The following GHR variants were observed in gnomAD, a reference collection of about 807,000 sequenced individuals.
The protein encoded by GHR is growth hormone receptor, also known as GH receptor.
In GHR, 35 loss-of-function variants were observed where a neutral mutation model predicts 67.1. The ratio of observed to expected loss-of-function variants is 0.52; its 90% CI spans 0.40 to 0.69. The LOEUF (loss-of-function observed/expected upper bound fraction) is 0.69, where lower values mean the gene tolerates loss of function less well. Among genes scored for constraint, GHR ranks in the 30% least tolerant of loss-of-function variants. GHR has a pLI of 0.00. For missense variants in GHR, 792 were observed against 764.6 expected (o/e 1.04, Z -0.42); for synonymous variants, 272 against 269.1 (o/e 1.01, Z -0.10).
intron 8 of GHR, chr5:42,713,780 A>G: frequency 2.5e-6 from 1 of 396,740 alleles, no homozygotes; most frequent in South Asian, 2.4e-5. Context: ...GACTATGCAT[A>G]CCTTGTGATA....
intron 1 of GHR, among the ~76,000 whole-genome samples, chr5:42,482,683 G>T (rs142395332): frequency 0.021 from 3,195 of 152,300 alleles, 104 homozygotes; most frequent in African/African-American, 0.071. Flanking sequence ...CTCCGAGCCA[G>T]GTGCGGGATA....
chr5:42,504,577 G>A (rs1037403821), intron 1 of GHR, among the ~76,000 whole-genome samples: 2 of 152,050 alleles, frequency 1.3e-5, no homozygotes, highest in African/African-American at 4.8e-5. Context: ...TGGCCAACAT[G>A]ATGAAACCCC....
chr5:42,439,290 T>A (rs548434000), intron 1 of GHR, among the ~76,000 whole-genome samples: 9 of 152,356 alleles, frequency 5.9e-5, no homozygotes, highest in African/African-American at 2.2e-4. Context: ...ATCTGTTTGG[T>A]AAGTTATCAC....
chr5:42,513,250 G>T (rs1360357365), intron 1 of GHR, among the ~76,000 whole-genome samples: 1 of 152,134 alleles, frequency 6.6e-6, no homozygotes, highest in East Asian at 1.9e-4. Flanking sequence ...TTATTTGGGA[G>T]AAAAGTGCCC....
chr5:42,525,273 T>C (rs2112319723), intron 1 of GHR, among the ~76,000 whole-genome samples: 1 of 152,300 alleles, frequency 6.6e-6, no homozygotes, highest in Non-Finnish European at 1.5e-5. Flanking sequence ...AACCCACCTC[T>C]TCCATCAGCG....
intron 2 of GHR, among the ~76,000 whole-genome samples, chr5:42,620,668 T>G (rs1235896053): frequency 1.3e-5 from 2 of 152,154 alleles, no homozygotes; most frequent in Non-Finnish European, 2.9e-5. Flanking sequence ...CTTGCTAATT[T>G]TTTTTGGTGT....
chr5:42,446,462 G>A (rs548520014), intron 1 of GHR, among the ~76,000 whole-genome samples: 6 of 152,344 alleles, frequency 3.9e-5, no homozygotes, highest in African/African-American at 1.4e-4. Flanking sequence ...GGGAAAAGTA[G>A]GCAGGGTTCT....
chr5:42,610,730 G>A (rs1752852927), intron 2 of GHR, among the ~76,000 whole-genome samples: 1 of 152,068 alleles, frequency 6.6e-6, no homozygotes, highest in Non-Finnish European at 1.5e-5. Flanking sequence ...AAAGGAAAGA[G>A]GTAGGGAGGG....
intron 2 of GHR, among the ~76,000 whole-genome samples, chr5:42,593,743 T>A (rs1385118336): frequency 1.1e-4 from 17 of 152,224 alleles, no homozygotes; most frequent in Admixed American, 1.0e-3. Context: ...TTTCAGATAT[T>A]TGATCCAAAC....
At chr5:42,564,376 C>T (rs1749811590) in intron 1 of GHR, among the ~76,000 whole-genome samples, 1 of 151,492 alleles carries the variant, frequency 6.6e-6, no homozygotes, top group Non-Finnish European at 1.5e-5. Flanking sequence ...TTTGAAATCT[C>T]ACAAAGTGTG....
intron 2 of GHR, among the ~76,000 whole-genome samples, chr5:42,572,149 C>G: frequency 6.6e-6 from 1 of 152,114 alleles, no homozygotes; most frequent in East Asian, 1.9e-4. Flanking sequence ...AGAGTTGGTT[C>G]CTTTTAAACC....
chr5:42,468,345 C>T, intron 1 of GHR: 2 of 1,534,782 alleles, frequency 1.3e-6, no homozygotes, highest in Non-Finnish European at 8.9e-7. Context: ...AGCAGGGGAA[C>T]GCCTATAGCT....
intron 5 of GHR, among the ~76,000 whole-genome samples, chr5:42,697,906 G>T (rs1013778306): frequency 5.9e-5 from 9 of 152,142 alleles, no homozygotes; most frequent in Non-Finnish European, 1.2e-4. Flanking sequence ...AAGGATAATG[G>T]CCAGGACCAG....
chr5:42,538,716 C>A (rs1748373495), intron 1 of GHR, among the ~76,000 whole-genome samples: 1 of 152,106 alleles, frequency 6.6e-6, no homozygotes, highest in African/African-American at 2.4e-5. Flanking sequence ...ATTTAGATAT[C>A]TAGGTCTCTA....
At chr5:42,664,490 G>A (rs1240953776) in intron 3 of GHR, among the ~76,000 whole-genome samples, 1 of 152,156 alleles carries the variant, frequency 6.6e-6, no homozygotes, top group African/African-American at 2.4e-5. Context: ...ACAAGCAATG[G>A]GAAAAGGATT....
At chr5:42,562,497 T>C (rs144803218) in intron 1 of GHR, among the ~76,000 whole-genome samples, 223 of 152,246 alleles carry the variant, frequency 1.5e-3, no homozygotes, top group African/African-American at 4.8e-3. Flanking sequence ...TTTGGGAGCA[T>C]GGCAATTTTA....
At position 42,514,382 on chromosome 5, in the gene GHR, T is replaced by C. The variant is rs1268188029; in HGVS notation, c.-11-51482T>C. On this transcript the variant is annotated intron_variant, in intron 1 of 9. Transcript: ENST00000230882. ...ATAACCAGGTCTCTCTTCTGTCCTA[T>C]TATAATTTATGACCTTTGAAAAGTT... The C allele has an allele frequency of 4.2e-6, 4 of 952,464 alleles. No individual in the cohort carries two copies. In the African/African-American group the frequency reaches 7.1e-5, roughly 17 times the overall value. The allele number at this position is 952,464 out of a possible 1,614,324, so 59.0% of individuals were successfully genotyped here. A position where few individuals can be genotyped will look rare whatever the true frequency, so the allele number is the denominator to read the frequency against.
chr5:42,673,837 G>A (rs1756437034), intron 3 of GHR, among the ~76,000 whole-genome samples: 1 of 152,164 alleles, frequency 6.6e-6, no homozygotes, highest in Non-Finnish European at 1.5e-5. Flanking sequence ...TTCCCTGGGT[G>A]ATGGGATCAA....
intron 3 of GHR, among the ~76,000 whole-genome samples, chr5:42,652,270 T>C (rs1755049200): frequency 7.5e-6 from 1 of 133,702 alleles, no homozygotes; most frequent in South Asian, 2.8e-4. Context: ...ATAAAACTGC[T>C]ACAGTGTAGA....
Sources: allele counts gnomAD v4.1 joint callset (sites outside exome capture counted in the v4.1 genomes callset), GRCh38; gene constraint gnomAD v4.1.1; transcripts MANE v1.5; gene names NCBI Gene and HGNC (gene_info 2026-07-23, HGNC 2026-07-21).